Variants in METAP1 observed in about 807,000 individuals in gnomAD.
The protein encoded by METAP1 is methionyl aminopeptidase 1.
Under a neutral mutation model 53.8 loss-of-function variants are expected in METAP1, and 28 were observed. The observed-to-expected ratio is 0.52, with a 90% confidence interval of 0.39 to 0.71. The LOEUF (loss-of-function observed/expected upper bound fraction) is 0.71. Ranked by LOEUF, METAP1 falls within the 30% of genes least tolerant of loss-of-function variation. The pLI is 0.00. For synonymous variants in METAP1, 181 were observed against 165.7 expected (o/e 1.09, Z -0.71); for missense variants, 389 against 479.8 (o/e 0.81, Z 1.77).
At chr4:99,023,919 T>C (rs1405061145) in intron 1 of METAP1, 1 of 416,974 alleles carries the variant, frequency 2.4e-6, no homozygotes, top group Non-Finnish European at 3.2e-6. Context: ...ATGGGAGTTT[T>C]ATTACTCAAA....
Position 99,062,727 on chromosome 4 carries a change from AAT to A in METAP1, c.*1413_*1414del, listed in dbSNP as rs1477703956. The A allele has an allele frequency of 6.6e-6, 1 of 152,602 alleles. No homozygotes were observed. Among genetic ancestry groups the A allele is most frequent in the African/African-American group, 2.4e-5 (1 of 41,442 alleles). 9.5% of individuals were successfully genotyped at this position (152,602 alleles called of 1,614,324 possible). ...GTGTGTGAAGTTTTTATCAAACTGTAATATTTGTGAATGGAATGCCTTGCAAT... is the reference window on the plus strand; with the variant it reads ...GTGTGTGAAGTTTTTATCAAACTGTAATTTGTGAATGGAATGCCTTGCAAT... On this transcript the variant is annotated 3_prime_UTR_variant, in exon 11 of 11. Transcript: ENST00000296411.
chr4:99,040,609 G>T (rs901995909), intron 5 of METAP1, among the ~76,000 whole-genome samples: 2 of 149,588 alleles, frequency 1.3e-5, no homozygotes, highest in Admixed American at 6.7e-5. Context: ...TTCCACCTCA[G>T]CCTCCTGAGT....
intron 1 of METAP1, chr4:99,025,268 G>A (rs1234903363): frequency 6.0e-6 from 4 of 671,858 alleles, no homozygotes; most frequent in Non-Finnish European, 7.4e-6. Flanking sequence ...CTATGCCTAG[G>A]AATGAACAAG....
intron 10 of METAP1, among the ~76,000 whole-genome samples, chr4:99,060,206 T>C (rs112621290): frequency 3.5e-4 from 53 of 152,208 alleles, no homozygotes; most frequent in African/African-American, 1.2e-3. Flanking sequence ...TCTCCAAAAG[T>C]CTTTTCATCT....
At chr4:99,037,368 C>T (rs1455563576) in intron 4 of METAP1, among the ~76,000 whole-genome samples, 1 of 151,854 alleles carries the variant, frequency 6.6e-6, no homozygotes, top group Admixed American at 6.6e-5. Flanking sequence ...CCTAGAAAGA[C>T]CTTTTTGGTG....
At chr4:99,026,610 A>G (rs1724584642) in intron 1 of METAP1, 8 of 985,430 alleles carry the variant, frequency 8.1e-6, no homozygotes, top group Non-Finnish European at 9.6e-6. Context: ...GAGGAGGGAA[A>G]GATTGCCCTG....
At position 99,043,293 on chromosome 4, in the gene METAP1, T is replaced by C. The variant is rs771842548; in HGVS notation, c.561T>C (p.Tyr187=). ...RNCYPSPLNY[Y]NFPKSCCTSV... is the part of the protein sequence containing the mutation. ...GCTACCCTTCTCCCCTGAATTATTA[T>C]AATTTCCCAAAGTCTTGTTGTACCT... The change falls in exon 7 of 11, where the codon TAT becomes TAC. Residue 187 remains tyrosine, a synonymous_variant. Transcript: ENST00000296411. The C allele has an allele frequency of 6.2e-7, 1 of 1,605,768 alleles. No individual in the cohort carries two copies. The highest frequency in any genetic ancestry group is 8.5e-7 in the Non-Finnish European group (1 of 1,174,270).
intron 2 of METAP1, among the ~76,000 whole-genome samples, chr4:99,029,529 A>G (rs1462344970): frequency 6.6e-6 from 1 of 152,198 alleles, no homozygotes; most frequent in African/African-American, 2.4e-5. Flanking sequence ...TCATGTCATT[A>G]GCGTGGCTGG....
At chr4:99,006,889 A>C (rs929398389) in intron 1 of METAP1, among the ~76,000 whole-genome samples, 3 of 152,106 alleles carry the variant, frequency 2.0e-5, no homozygotes, top group Non-Finnish European at 4.4e-5. Flanking sequence ...AAGTGTCTTT[A>C]AGTTGTTCTT....
At chr4:99,013,495 G>A (rs1318585070) in intron 1 of METAP1, among the ~76,000 whole-genome samples, 4 of 152,124 alleles carry the variant, frequency 2.6e-5, no homozygotes, top group African/African-American at 4.8e-5. Context: ...TAGCAAGGCT[G>A]GTTTACTTTC....
At chr4:98,995,911 C>T (rs1722593334) in intron 1 of METAP1, 44 bp downstream of exon 1, 1 of 1,446,966 alleles carries the variant, frequency 6.9e-7, no homozygotes, top group Non-Finnish European at 9.5e-7. Flanking sequence ...CTGCGGGACC[C>T]CTCCTCGCTT....
chr4:99,036,826 T>G (rs1725456652), intron 4 of METAP1, among the ~76,000 whole-genome samples: 1 of 152,064 alleles, frequency 6.6e-6, no homozygotes, highest in African/African-American at 2.4e-5. Flanking sequence ...TTTGTCCATG[T>G]GTCAAAGTAT....
chr4:99,049,819 C>T (rs1726560396), intron 9 of METAP1, among the ~76,000 whole-genome samples: 2 of 152,140 alleles, frequency 1.3e-5, no homozygotes, highest in African/African-American at 4.8e-5. Flanking sequence ...ATGGAAAGCA[C>T]TTAGAATTCT....
At position 99,017,852 on chromosome 4, in the gene METAP1, A is replaced by G. The variant is rs142603333; in HGVS notation, c.115-11015A>G. On this transcript the variant is annotated intron_variant, in intron 1 of 10. Transcript: ENST00000296411. ...ACAGCCACTGGCAACTGGATCTAAGACTTTGGACAGAAAGGCAACTGGTTG... is the reference window on the plus strand; with the variant it reads ...ACAGCCACTGGCAACTGGATCTAAGGCTTTGGACAGAAAGGCAACTGGTTG... 1.4e-3 allele frequency among the ~76,000 whole-genome samples: 216 copies of G among 152,344 alleles called. 1 individual carries two copies. Among genetic ancestry groups the G allele is most frequent in the African/African-American group, 5.0e-3 (208 of 41,590 alleles).
At chr4:99,003,590 A>G (rs958288466) in intron 1 of METAP1, among the ~76,000 whole-genome samples, 1 of 152,186 alleles carries the variant, frequency 6.6e-6, no homozygotes, top group Non-Finnish European at 1.5e-5. Context: ...ATAATTTAAT[A>G]TTGCTTTTGA....
chr4:99,013,336 A>G (rs535961859), intron 1 of METAP1, among the ~76,000 whole-genome samples: 58 of 152,174 alleles, frequency 3.8e-4, no homozygotes, highest in Non-Finnish European at 6.9e-4. Context: ...TTTTTCTACT[A>G]AAAAAGATGC....
rs977839027 is a variant in METAP1, at chr4:99,020,526, G to A, written c.115-8341G>A. Reference sequence around the variant, plus strand: ...CGGGACTACCACCTGAGGAGGAGGTGGGACTAACTGCTGCCTGAGGAGGAG... The same window carrying A: ...CGGGACTACCACCTGAGGAGGAGGTAGGACTAACTGCTGCCTGAGGAGGAG... On this transcript the variant is annotated intron_variant, in intron 1 of 10. Transcript: ENST00000296411. Among the ~76,000 whole-genome samples the A allele has an allele frequency of 2.6e-5, 4 of 151,978 alleles. No individual in the cohort carries two copies. The South Asian group carries it at 8.3e-4, about 32-fold the overall frequency.
intron 1 of METAP1, among the ~76,000 whole-genome samples, chr4:98,996,325 G>A (rs1417506808): frequency 6.6e-6 from 1 of 152,212 alleles, no homozygotes; most frequent in Non-Finnish European, 1.5e-5. Context: ...CGGGCCGTCC[G>A]TCGGGTCCCT....
chr4:99,053,754 A>G (rs1424701461), intron 9 of METAP1, among the ~76,000 whole-genome samples: 1 of 152,132 alleles, frequency 6.6e-6, no homozygotes, highest in Non-Finnish European at 1.5e-5. Flanking sequence ...CATGAAACCA[A>G]CATTCATCTC....
Sources: allele counts gnomAD v4.1 joint callset (sites outside exome capture counted in the v4.1 genomes callset), GRCh38; gene constraint gnomAD v4.1.1; transcripts MANE v1.5; gene names NCBI Gene and HGNC (gene_info 2026-07-23, HGNC 2026-07-21).